The following TBC1D22A variants were observed in gnomAD, a reference collection of about 807,000 sequenced individuals.
The protein encoded by TBC1D22A is putative GTPase activator.
In TBC1D22A, 38 loss-of-function variants were observed where a neutral mutation model predicts 60.2. The observed-to-expected ratio is 0.63, with a 90% CI of 0.49 to 0.83. The LOEUF (loss-of-function observed/expected upper bound fraction) is 0.83, where lower values mean the gene tolerates loss of function less well. Among genes scored for constraint, TBC1D22A ranks in the 40% least tolerant of loss-of-function variants. The pLI is 0.00. For missense variants in TBC1D22A, 628 were observed against 701.0 expected, an observed-to-expected ratio of 0.90 and a Z score of 1.18; for synonymous variants, 302 against 281.7, an observed-to-expected ratio of 1.07 and a Z score of -0.72.
intron 4 of TBC1D22A, among the ~76,000 whole-genome samples, chr22:46,824,809 T>C (rs1403523075): frequency 6.6e-6 from 1 of 151,942 alleles, no homozygotes; most frequent in Non-Finnish European, 1.5e-5. Flanking sequence ...GGAGTGGCTG[T>C]TGAGGATGGG....
rs1054789474 is a variant in TBC1D22A at position 47,070,432 on chromosome 22, G to A, written c.1329+33234G>A. Among the ~76,000 whole-genome samples the A allele has an allele frequency of 4.6e-5, 6 of 131,686 alleles. No individual in the cohort carries two copies. In the Admixed American group the frequency reaches 4.7e-4, roughly 10 times the overall value. 86.4% of individuals were successfully genotyped at this position (131,686 alleles called of 152,430 possible). Reference sequence around the variant, plus strand: ...GGTTCCAGGTTGTTCCCTGTTGTTTGGTTGGACGCTGTCCCCTGTTGTTTG... The same window carrying A: ...GGTTCCAGGTTGTTCCCTGTTGTTTAGTTGGACGCTGTCCCCTGTTGTTTG... On this transcript the variant is annotated intron_variant, in intron 11 of 12. Transcript: ENST00000337137.
chr22:46,812,293 G>T (rs2085410337), intron 4 of TBC1D22A, among the ~76,000 whole-genome samples: 1 of 152,232 alleles, frequency 6.6e-6, no homozygotes, highest in Admixed American at 6.5e-5. Context: ...CCTCCTGCCT[G>T]CTCGTTCCCT....
At chr22:47,062,106 A>AAAAAAAAAC (rs2063601245) in intron 11 of TBC1D22A, among the ~76,000 whole-genome samples, 1 of 151,462 alleles carries the variant, frequency 6.6e-6, no homozygotes, top group African/African-American at 2.4e-5. Context: ...AAAAAAAAAA[A>AAAAAAAAAC]AAGACAATGT....
At chr22:46,864,630 A>G (rs1368532829) in intron 4 of TBC1D22A, among the ~76,000 whole-genome samples, 1 of 152,166 alleles carries the variant, frequency 6.6e-6, no homozygotes, top group Non-Finnish European at 1.5e-5. Context: ...CTTGCCCCCT[A>G]TTTTCACCTG....
intron 4 of TBC1D22A, among the ~76,000 whole-genome samples, chr22:46,851,740 G>A (rs1452313894): frequency 2.0e-5 from 3 of 152,250 alleles, no homozygotes; most frequent in Non-Finnish European, 2.9e-5. Flanking sequence ...AATTTCAGAG[G>A]TACTTAGTGA....
At chr22:47,103,827 A>C (rs2065512176) in intron 11 of TBC1D22A, among the ~76,000 whole-genome samples, 1 of 152,092 alleles carries the variant, frequency 6.6e-6, no homozygotes, top group African/African-American at 2.4e-5. Flanking sequence ...GGCCCTACAA[A>C]CCATACATAA....
At chr22:46,843,068 T>G (rs1441385171) in intron 4 of TBC1D22A, among the ~76,000 whole-genome samples, 1 of 152,110 alleles carries the variant, frequency 6.6e-6, no homozygotes, top group Non-Finnish European at 1.5e-5. Flanking sequence ...GGAAATGGAT[T>G]TAGTTCCATG....
intron 9 of TBC1D22A, among the ~76,000 whole-genome samples, chr22:46,988,246 A>C (rs2074803603): frequency 6.6e-6 from 1 of 152,204 alleles, no homozygotes; most frequent in Non-Finnish European, 1.5e-5. Context: ...TGAAGTATTG[A>C]ACCCCTCAAA....
At chr22:46,919,488 TTGCTATGAGTATTCATGTACAAGTCTTCG>T (rs2070604008) in intron 8 of TBC1D22A, among the ~76,000 whole-genome samples, 1 of 152,224 alleles carries the variant, frequency 6.6e-6, no homozygotes, top group Admixed American at 6.5e-5. Context: ...AGGAATAACG[TTGCTATGAGTATTCATGTACAAGTCTTCG>T]TGTAGATATG....
At chr22:47,056,669 A>G (rs1001425090) in intron 11 of TBC1D22A, among the ~76,000 whole-genome samples, 2 of 151,970 alleles carry the variant, frequency 1.3e-5, no homozygotes, top group Non-Finnish European at 2.9e-5. Flanking sequence ...ATGTGGCCAC[A>G]CTCATGTCAA....
chr22:46,901,126 T>G (rs1361425667), intron 7 of TBC1D22A, among the ~76,000 whole-genome samples: 1 of 152,250 alleles, frequency 6.6e-6, no homozygotes, highest in South Asian at 2.1e-4. Context: ...ATTCCTGAAA[T>G]AAATCCAGAT....
intron 8 of TBC1D22A, among the ~76,000 whole-genome samples, chr22:46,951,617 C>G (rs372083597): frequency 2.0e-5 from 3 of 152,160 alleles, no homozygotes; most frequent in African/African-American, 7.2e-5. Flanking sequence ...GGTGATAATG[C>G]GTCATCAGAG....
At chr22:47,074,066 C>T (rs1404381869) in intron 11 of TBC1D22A, among the ~76,000 whole-genome samples, 2 of 152,138 alleles carry the variant, frequency 1.3e-5, no homozygotes, top group African/African-American at 4.8e-5. Context: ...TATGATCGCA[C>T]CACTGTACTC....
At chr22:46,767,495 T>C (rs2083327761) in intron 1 of TBC1D22A, among the ~76,000 whole-genome samples, 1 of 152,136 alleles carries the variant, frequency 6.6e-6, no homozygotes, top group Non-Finnish European at 1.5e-5. Flanking sequence ...CAGCCCCAGG[T>C]GCTGGAGATA....
At chr22:46,985,872 T>C (rs768239730) in intron 9 of TBC1D22A, among the ~76,000 whole-genome samples, 1 of 152,270 alleles carries the variant, frequency 6.6e-6, no homozygotes, top group Non-Finnish European at 1.5e-5. Context: ...GAATGTTTGC[T>C]TCTGTGGCTT....
intron 4 of TBC1D22A, among the ~76,000 whole-genome samples, chr22:46,871,394 A>C (rs761132283): frequency 6.6e-6 from 1 of 152,258 alleles, no homozygotes; most frequent in Non-Finnish European, 1.5e-5. Context: ...TACCGCATCT[A>C]CTAACTGATA....
At chr22:47,102,395 G>A (rs2065455551) in intron 11 of TBC1D22A, among the ~76,000 whole-genome samples, 1 of 152,158 alleles carries the variant, frequency 6.6e-6, no homozygotes, top group African/African-American at 2.4e-5. Context: ...GAAGGGGATG[G>A]AGCCCCCGGT....
At chr22:46,841,291 T>C (rs1039193241) in intron 4 of TBC1D22A, among the ~76,000 whole-genome samples, 7 of 152,216 alleles carry the variant, frequency 4.6e-5, no homozygotes, top group Non-Finnish European at 2.9e-5. Context: ...CTTCTGCTAT[T>C]TGGCCATGTG....
At chr22:47,170,579 A>G (rs1411521863) in intron 12 of TBC1D22A, among the ~76,000 whole-genome samples, 1 of 152,214 alleles carries the variant, frequency 6.6e-6, no homozygotes, top group Non-Finnish European at 1.5e-5. Flanking sequence ...AAGCCCAGCA[A>G]CTGCGAAATA....
Sources: allele counts gnomAD v4.1 joint callset (sites outside exome capture counted in the v4.1 genomes callset), GRCh38; gene constraint gnomAD v4.1.1; transcripts MANE v1.5; gene names NCBI Gene and HGNC (gene_info 2026-07-23, HGNC 2026-07-21).